The following RC3H1 variants were observed in gnomAD, a reference collection of about 807,000 sequenced individuals.
RC3H1 encodes ring finger and CCCH-type domains 1, also known as roquin-1.
RC3H1 carries 50 observed loss-of-function variants against 138.2 expected under a neutral mutation model. The ratio of observed to expected loss-of-function variants is 0.36; its 90% confidence interval spans 0.29 to 0.46. The LOEUF (loss-of-function observed/expected upper bound fraction) is 0.46, where lower values mean the gene tolerates loss of function less well. RC3H1 is among the 20% of genes least tolerant of loss of function. The probability of loss-of-function intolerance (pLI) is 1.00; values close to 1 mark genes in which losing one functional copy is unlikely to be tolerated. For synonymous variants in RC3H1, 462 were observed against 489.1 expected (o/e 0.94, Z 0.73); for missense variants, 1,031 against 1,388.1 (o/e 0.74, Z 4.09).
At chr1:173,968,856 ATT>A (rs370550482) in intron 9 of RC3H1, among the ~76,000 whole-genome samples, 19 of 128,040 alleles carry the variant, frequency 1.5e-4, no homozygotes, top group Non-Finnish European at 1.6e-4. Flanking sequence ...AGGAATTTTG[ATT>A]TTTTTTTTTT....
intron 1 of RC3H1, among the ~76,000 whole-genome samples, chr1:174,021,103 C>G (rs1436012840): frequency 6.6e-6 from 1 of 152,220 alleles, no homozygotes; most frequent in Non-Finnish European, 1.5e-5. Context: ...AGACAAGGCA[C>G]AAGAAGCTCT....
rs1476698402 is a variant in RC3H1, at chr1:173,965,106, T to A, written c.1349A>T (p.Asn450Ile). 3 of 1,608,994 alleles carry A rather than the reference T, an allele frequency of 1.9e-6. No individual in the cohort carries two copies. Among genetic ancestry groups the A allele is most frequent in the Non-Finnish European group, 2.5e-6 (3 of 1,178,182 alleles). The change falls in exon 10 of 20, where the codon AAT becomes ATT. Residue 450 changes from asparagine to isoleucine, a missense_variant. Coordinates refer to ENST00000367696, the MANE Select transcript of RC3H1 (RefSeq NM_172071.4). ...QEELEKFRKM[N>I]KRLVPRRPLS... ...GGGTCTTCTCGGAACCAGGCGCTTA[T>A]TCATTTTACGAAATCTATATAAAAA... is the stretch of plus-strand genomic sequence containing the variant.
rs527779246 is a variant in RC3H1, at chr1:173,932,312, T to C, written c.*6409A>G. The C allele has an allele frequency of 2.6e-5, 4 of 152,156 alleles. No individual in the cohort carries two copies. The East Asian group carries it at 5.8e-4, about 22-fold the overall frequency. 9.4% of individuals were successfully genotyped at this position (152,156 alleles called of 1,614,324 possible). A position where few individuals can be genotyped will look rare whatever the true frequency, so the allele number is the denominator to read the frequency against. The stretch of plus-strand genomic sequence containing the variant: ...CTGCAGAATGTCTCGGGGAGACTGA[T>C]ATGAGCCTAAAGACCAAATTACCAT... On this transcript the variant is annotated 3_prime_UTR_variant, in exon 20 of 20. Coordinates refer to ENST00000367696, the MANE Select transcript of RC3H1 (RefSeq NM_172071.4).
At chr1:173,985,971 G>A (rs1661008329) in intron 2 of RC3H1, among the ~76,000 whole-genome samples, 1 of 152,110 alleles carries the variant, frequency 6.6e-6, no homozygotes. Flanking sequence ...CAGAAAAATG[G>A]CAAAGATAGT....
intron 1 of RC3H1, among the ~76,000 whole-genome samples, chr1:174,009,616 A>G (rs1013044372): frequency 2.0e-5 from 3 of 152,180 alleles, no homozygotes; most frequent in African/African-American, 7.2e-5. Context: ...AGGTGGGCAG[A>G]TCACTTGAGG....
chr1:173,963,773 G>A (rs560225912), intron 11 of RC3H1, among the ~76,000 whole-genome samples, 200 bp downstream of exon 11: 24 of 152,036 alleles, frequency 1.6e-4, no homozygotes, highest in African/African-American at 4.6e-4. Flanking sequence ...TAGATATGGC[G>A]GTTTGATTTT....
At position 173,937,942 on chromosome 1, in the gene RC3H1, C is replaced by A. The variant is rs1222627986; in HGVS notation, c.*779G>T. 6.6e-6 allele frequency: 1 copy of A among 152,164 alleles called. No individual in the cohort carries two copies. The highest frequency in any genetic ancestry group is 2.4e-5 in the African/African-American group (1 of 41,438). The allele number at this position is 152,164 out of a possible 1,614,324, so 9.4% of individuals were successfully genotyped here. On this transcript the variant is annotated 3_prime_UTR_variant, in exon 20 of 20. Coordinates refer to ENST00000367696, the MANE Select transcript of RC3H1 (RefSeq NM_172071.4). Reference sequence around the variant, plus strand: ...ATCAACATTTAAATCTAATTAAACACTGAATCAGCTTTCTGATTATATTAA... The same window carrying A: ...ATCAACATTTAAATCTAATTAAACAATGAATCAGCTTTCTGATTATATTAA...
intron 1 of RC3H1, among the ~76,000 whole-genome samples, chr1:173,993,893 G>A (rs1040548847): frequency 2.0e-5 from 3 of 150,148 alleles, no homozygotes; most frequent in East Asian, 2.0e-4. Flanking sequence ...GGTGGCAGGC[G>A]CCTGTAACCC....
At chr1:173,968,235 T>C (rs775211552) in intron 9 of RC3H1, among the ~76,000 whole-genome samples, 12 of 152,208 alleles carry the variant, frequency 7.9e-5, no homozygotes, top group Admixed American at 2.0e-4. Context: ...TCCAGAATTT[T>C]CAGAATTTTC....
intron 13 of RC3H1, among the ~76,000 whole-genome samples, chr1:173,953,541 G>A (rs1283182450): frequency 6.6e-6 from 1 of 152,098 alleles, no homozygotes; most frequent in Non-Finnish European, 1.5e-5. Context: ...AAAGTGCTGG[G>A]ATTACTGGCG....
At chr1:173,994,672 C>A (rs1315081028) in intron 1 of RC3H1, among the ~76,000 whole-genome samples, 1 of 151,598 alleles carries the variant, frequency 6.6e-6, no homozygotes, top group Non-Finnish European at 1.5e-5. Context: ...CACCTGTGGT[C>A]CCAGCAACCC....
At chr1:173,987,480 T>C (rs1661077042) in intron 2 of RC3H1, among the ~76,000 whole-genome samples, 2 of 152,232 alleles carry the variant, frequency 1.3e-5, no homozygotes, top group African/African-American at 4.8e-5. Context: ...ACTCTGTGTA[T>C]GTGTCTGTGT....
rs767200456 is a variant in RC3H1, at chr1:173,947,428, G to A, written c.2678C>T (p.Ala893Val). The change falls in exon 15 of 20, where the codon GCT becomes GTT. Residue 893 changes from alanine (A) to valine (V), a missense_variant. Coordinates refer to ENST00000367696, the MANE Select transcript of RC3H1 (RefSeq NM_172071.4). ...AGGTGCCATAGCCTGCATTGGACCA[G>A]CACCCTGATATATAGTTTTGGAAGT... ...SRTSKTIYQG[A>V]GPMQAMAPQG... 16 of 1,614,030 alleles carry A rather than the reference G, an allele frequency of 9.9e-6. No individual in the cohort carries two copies. Among genetic ancestry groups the A allele is most frequent in the Non-Finnish European group, 1.4e-5 (16 of 1,179,994 alleles).
At chr1:174,005,577 TCA>T (rs1249165171) in intron 1 of RC3H1, among the ~76,000 whole-genome samples, 1 of 152,114 alleles carries the variant, frequency 6.6e-6, no homozygotes, top group Non-Finnish European at 1.5e-5. Flanking sequence ...GCTCTAAAAA[TCA>T]CAAAGATACT....
intron 7 of RC3H1, among the ~76,000 whole-genome samples, chr1:173,975,009 C>A (rs1660513836): frequency 6.6e-6 from 1 of 152,112 alleles, no homozygotes; most frequent in Non-Finnish European, 1.5e-5. Flanking sequence ...ACAGAGTTGC[C>A]ACAAACAGGA....
chr1:173,950,568 G>C (rs1272826462), intron 14 of RC3H1, among the ~76,000 whole-genome samples: 2 of 151,500 alleles, frequency 1.3e-5, no homozygotes, highest in East Asian at 2.0e-4. Context: ...CAGCATGAGG[G>C]AGATCCTGTC....
intron 13 of RC3H1, among the ~76,000 whole-genome samples, chr1:173,959,828 C>T (rs182907111): frequency 9.3e-4 from 137 of 148,108 alleles, no homozygotes; most frequent in African/African-American, 3.1e-3. Flanking sequence ...TGTCTAGGCC[C>T]GGCGTGGTGT....
intron 13 of RC3H1, among the ~76,000 whole-genome samples, chr1:173,955,263 T>TACAACA (rs72151707): frequency 4.6e-5 from 6 of 131,750 alleles, no homozygotes; most frequent in South Asian, 2.4e-4. Context: ...ACAATCTTCA[T>TACAACA]ACAACAACAA....
chr1:173,956,139 A>AAG (rs1659637855), intron 13 of RC3H1, among the ~76,000 whole-genome samples: 1 of 151,026 alleles, frequency 6.6e-6, no homozygotes, highest in African/African-American at 2.4e-5. Context: ...TCAAAAAAAA[A>AAG]AAAAAAGAAA....
Sources: gnomAD v4.1 joint callset for allele counts (sites outside exome capture counted in the v4.1 genomes callset) on GRCh38, gnomAD v4.1.1 for gene constraint, MANE v1.5 for transcripts, NCBI Gene and HGNC (gene_info 2026-07-23, HGNC 2026-07-21) for gene names.